Variants in STOX2 observed in about 807,000 individuals in gnomAD.
STOX2 encodes the protein storkhead box 2, also known as storkhead-box protein 2.
Under a neutral mutation model 60.9 loss-of-function variants are expected in STOX2, and 28 were observed. The ratio of observed to expected loss-of-function variants is 0.46; its 90% CI spans 0.34 to 0.63. The LOEUF (loss-of-function observed/expected upper bound fraction) is 0.63, where lower values mean the gene tolerates loss of function less well. Ranked by LOEUF, STOX2 falls within the 30% of genes least tolerant of loss-of-function variation. STOX2 has a pLI of 0.01. For synonymous variants in STOX2, 472 were observed against 463.9 expected, an observed-to-expected ratio of 1.02 and a Z score of -0.22; for missense variants, 1,024 against 1,187.7, an observed-to-expected ratio of 0.86 and a Z score of 2.03.
intron 1 of STOX2, among the ~76,000 whole-genome samples, chr4:183,976,690 A>G (rs1053915819): frequency 6.6e-6 from 1 of 152,226 alleles, no homozygotes; most frequent in Non-Finnish European, 1.5e-5. Flanking sequence ...ACTTGTGCAT[A>G]TACCCCATAT....
intron 1 of STOX2, among the ~76,000 whole-genome samples, chr4:183,916,122 A>G (rs566406583): frequency 1.9e-4 from 29 of 152,328 alleles, no homozygotes; most frequent in African/African-American, 7.0e-4. Context: ...AAGATGATGG[A>G]GACTGTGAGA....
At chr4:183,960,828 A>G (rs529458814) in intron 1 of STOX2, among the ~76,000 whole-genome samples, 55 of 152,322 alleles carry the variant, frequency 3.6e-4, no homozygotes, top group Middle Eastern at 3.4e-3. Context: ...TTAATTGACC[A>G]TAATATCTGA....
chr4:183,959,488 G>A (rs928176020), intron 1 of STOX2, among the ~76,000 whole-genome samples: 3 of 152,120 alleles, frequency 2.0e-5, no homozygotes, highest in Non-Finnish European at 4.4e-5. Flanking sequence ...CCCTTCCCCC[G>A]CAGTGGTGCA....
Position 184,018,895 on chromosome 4 carries a change from T to A in STOX2, c.*1611T>A. 6.6e-6 allele frequency: 1 copy of A among 152,256 alleles called. No individual in the cohort carries two copies. The highest frequency in any genetic ancestry group is 1.9e-4 in the East Asian group (1 of 5,202). The allele number at this position is 152,256 out of a possible 1,614,324, so 9.4% of individuals were successfully genotyped here. On this transcript the variant is annotated 3_prime_UTR_variant, in exon 4 of 4. Coordinates refer to ENST00000308497, the MANE Select transcript of STOX2 (RefSeq NM_020225.3). ...TAAAGTTTTATTTAGTTCAGTGGCA[T>A]GTGCTGTTGGGAGCCATACACCATA...
intron 1 of STOX2, among the ~76,000 whole-genome samples, chr4:183,864,586 G>T (rs576074136): frequency 6.6e-6 from 1 of 152,106 alleles, no homozygotes; most frequent in East Asian, 1.9e-4. Flanking sequence ...TAGAGATGGG[G>T]TTTCTCCATG....
intron 1 of STOX2, among the ~76,000 whole-genome samples, chr4:183,893,570 C>T (rs976411317): frequency 6.6e-6 from 1 of 151,996 alleles, no homozygotes; most frequent in Non-Finnish European, 1.5e-5. Flanking sequence ...GAGAGAAGAG[C>T]GGATGGAGAT....
intron 1 of STOX2, among the ~76,000 whole-genome samples, chr4:183,874,714 C>T (rs1198593999): frequency 1.3e-5 from 2 of 150,906 alleles, no homozygotes; most frequent in Non-Finnish European, 3.0e-5. Flanking sequence ...ATCACGAGGT[C>T]AGGAGATCGA....
chr4:183,816,649 TA>T (rs568050842), intron 1 of STOX2, among the ~76,000 whole-genome samples: 12 of 150,814 alleles, frequency 8.0e-5, no homozygotes, highest in African/African-American at 1.9e-4. Context: ...ATATAAAATT[TA>T]AAAAAAAAAT....
chr4:183,961,331 A>G (rs1743405231), intron 1 of STOX2, among the ~76,000 whole-genome samples: 1 of 151,496 alleles, frequency 6.6e-6, no homozygotes, highest in Non-Finnish European at 1.5e-5. Context: ...CAAAGAATAA[A>G]AACACATCGA....
chr4:183,937,163 G>A (rs1213700394), intron 1 of STOX2, among the ~76,000 whole-genome samples: 1 of 152,212 alleles, frequency 6.6e-6, no homozygotes, highest in African/African-American at 2.4e-5. Context: ...TTCCTTTCCT[G>A]TGAGTCACGG....
rs77750828 is a variant in STOX2 at position 183,825,757 on chromosome 4, C to T, written c.364+27702C>T. On this transcript the variant is annotated intron_variant, in intron 1 of 2. Coordinates refer to the STOX2 transcript ENST00000513034. The surrounding 1 kb of genome is among the most constrained non-coding windows in gnomAD (Gnocchi z 4.1). Reference sequence around the variant, plus strand: ...CGAGGTGGCTGGGGCTGGACTTTGCCGGGGAGGGGTTCAGATTTAATGCTT... The same window carrying T: ...CGAGGTGGCTGGGGCTGGACTTTGCTGGGGAGGGGTTCAGATTTAATGCTT... 1.6e-4 allele frequency among the ~76,000 whole-genome samples: 25 copies of T among 152,094 alleles called. No homozygotes were observed. The East Asian group carries it at 3.7e-3, about 22-fold the overall frequency.
chr4:183,853,221 G>A (rs938049135), intron 1 of STOX2, among the ~76,000 whole-genome samples: 2 of 152,190 alleles, frequency 1.3e-5, no homozygotes, highest in South Asian at 2.1e-4. Context: ...TGGAAATGCC[G>A]AAAGGAGATT....
At chr4:183,911,522 T>A (rs1419504732) in intron 1 of STOX2, among the ~76,000 whole-genome samples, 1 of 152,222 alleles carries the variant, frequency 6.6e-6, no homozygotes, top group Non-Finnish European at 1.5e-5. Context: ...AATGACTTTA[T>A]TCTTTATTTC....
intron 1 of STOX2, among the ~76,000 whole-genome samples, chr4:183,907,586 CAT>C (rs1192300512): frequency 2.0e-5 from 3 of 152,198 alleles, no homozygotes; most frequent in Non-Finnish European, 4.4e-5. Context: ...GAGGCTGTAT[CAT>C]GTGTTTGCAT....
intron 1 of STOX2, among the ~76,000 whole-genome samples, chr4:183,859,984 T>A (rs940185753): frequency 9.9e-5 from 15 of 152,212 alleles, no homozygotes; most frequent in African/African-American, 3.6e-4. Flanking sequence ...TGTGTGTGTG[T>A]ATGTATTTGT....
At chr4:183,808,905 C>CA (rs545575715) in intron 1 of STOX2, among the ~76,000 whole-genome samples, 2 of 151,662 alleles carry the variant, frequency 1.3e-5, no homozygotes, top group Non-Finnish European at 2.9e-5. Flanking sequence ...AAAAAAATGG[C>CA]AAAAAAAATC....
At chr4:184,006,665 G>A (rs534139033) in intron 2 of STOX2, among the ~76,000 whole-genome samples, 33 of 122,782 alleles carry the variant, frequency 2.7e-4, no homozygotes, top group South Asian at 5.2e-4. Context: ...TCCAGCCTGC[G>A]CAAGGGTGAG....
At chr4:183,840,693 A>C (rs17075085) in intron 1 of STOX2, among the ~76,000 whole-genome samples, 4,221 of 152,304 alleles carry the variant, frequency 0.028, 187 homozygotes, top group African/African-American at 0.096. Flanking sequence ...CATAATTCTC[A>C]TACTCTGAAG....
intron 1 of STOX2, among the ~76,000 whole-genome samples, chr4:183,830,980 C>T (rs1006405079): frequency 2.1e-5 from 3 of 145,670 alleles, no homozygotes; most frequent in Admixed American, 1.4e-4. Context: ...GTGTTTAGAT[C>T]CTTCCTAGGC....
Sources: allele counts gnomAD v4.1 joint callset (sites outside exome capture counted in the v4.1 genomes callset), GRCh38; gene constraint gnomAD v4.1.1; non-coding constraint Gnocchi (gnomAD v3.1); transcripts MANE v1.5; gene names NCBI Gene and HGNC (gene_info 2026-07-23, HGNC 2026-07-21).